The following CTNNA3 variants were observed in gnomAD, a reference collection of about 807,000 sequenced individuals.
CTNNA3 encodes catenin alpha 3.
CTNNA3 carries 76 observed loss-of-function variants against 95.7 expected under a neutral mutation model. The ratio of observed to expected loss-of-function variants is 0.79; its 90% confidence interval spans 0.66 to 0.96. The LOEUF is 0.96. Among genes scored for constraint, CTNNA3 ranks in the 40% least tolerant of loss-of-function variants. The pLI is 0.00. For synonymous variants in CTNNA3, 431 were observed against 374.4 expected, an observed-to-expected ratio of 1.15 and a Z score of -1.74; for missense variants, 1,191 against 1,089.8, an observed-to-expected ratio of 1.09 and a Z score of -1.31.
chr10:66,324,060 G>T (rs1019949235), intron 12 of CTNNA3, among the ~76,000 whole-genome samples: 3 of 151,808 alleles, frequency 2.0e-5, no homozygotes, highest in Non-Finnish European at 4.4e-5. Flanking sequence ...ACTCACATTC[G>T]CTTGAATTCC....
Position 66,580,591 on chromosome 10 carries a change from A to G in CTNNA3, c.1374+41101T>C, listed in dbSNP as rs533943263. 2.6e-5 allele frequency among the ~76,000 whole-genome samples: 4 copies of G among 151,872 alleles called. 2 individuals carry two copies. The highest frequency in any genetic ancestry group is 9.6e-5 in the African/African-American group (4 of 41,506). On this transcript the variant is annotated intron_variant, in intron 10 of 17. Coordinates refer to ENST00000433211, the MANE Select transcript of CTNNA3 (RefSeq NM_013266.4). ...AATGTATTTTTTTATTCAGCTTGAGATCTTCCTGGTTCTTGATATGACAAG... is the reference window on the plus strand; with the variant it reads ...AATGTATTTTTTTATTCAGCTTGAGGTCTTCCTGGTTCTTGATATGACAAG...
At chr10:67,362,978 T>C (rs1843049129) in intron 5 of CTNNA3, among the ~76,000 whole-genome samples, 1 of 151,772 alleles carries the variant, frequency 6.6e-6, no homozygotes. Context: ...CAAGCTGACA[T>C]CCAAATCAAG....
chr10:67,108,849 T>C (rs1465149282), intron 7 of CTNNA3, among the ~76,000 whole-genome samples: 1 of 152,172 alleles, frequency 6.6e-6, no homozygotes, highest in Admixed American at 6.5e-5. Context: ...AGTATATATG[T>C]CAAATAAAAT....
chr10:66,417,788 A>C (rs977129402), intron 11 of CTNNA3, among the ~76,000 whole-genome samples: 1 of 152,010 alleles, frequency 6.6e-6, no homozygotes, highest in Non-Finnish European at 1.5e-5. Context: ...CATTGTGTCA[A>C]TGAAGAAATT....
chr10:67,250,123 G>A (rs79259439), intron 5 of CTNNA3, among the ~76,000 whole-genome samples: 7,008 of 152,118 alleles, frequency 0.046, 217 homozygotes, highest in South Asian at 0.091. Context: ...GCATGGGTTT[G>A]AGCTGCACAG....
chr10:67,114,763 T>C (rs1008651724), intron 7 of CTNNA3, among the ~76,000 whole-genome samples: 1 of 144,308 alleles, frequency 6.9e-6, no homozygotes, highest in Admixed American at 6.9e-5. Context: ...GGGGAAGGTG[T>C]CCTGGAGAGG....
intron 7 of CTNNA3, among the ~76,000 whole-genome samples, chr10:67,021,490 A>T (rs1030057062): frequency 6.6e-6 from 1 of 152,266 alleles, no homozygotes; most frequent in African/African-American, 2.4e-5. Flanking sequence ...TATTTGTGAC[A>T]GTAAAAACAT....
chr10:66,141,879 T>C (rs2083638239), intron 13 of CTNNA3, among the ~76,000 whole-genome samples: 1 of 152,180 alleles, frequency 6.6e-6, no homozygotes, highest in Non-Finnish European at 1.5e-5. Flanking sequence ...TGTTTCCTTA[T>C]AGAGAAGATG....
intron 15 of CTNNA3, among the ~76,000 whole-genome samples, chr10:65,998,196 G>A (rs1454863634): frequency 6.6e-6 from 1 of 152,160 alleles, no homozygotes; most frequent in Non-Finnish European, 1.5e-5. Flanking sequence ...TTTCCGGAGT[G>A]AGTGACCATT....
At chr10:65,959,156 G>A (rs2133233805) in intron 17 of CTNNA3, among the ~76,000 whole-genome samples, 1 of 152,320 alleles carries the variant, frequency 6.6e-6, no homozygotes, top group Middle Eastern at 3.4e-3. Flanking sequence ...TGTGCCAGCA[G>A]TGAGTGAGGC....
intron 15 of CTNNA3, among the ~76,000 whole-genome samples, chr10:65,991,044 C>A (rs1243630045): frequency 6.6e-6 from 1 of 152,034 alleles, no homozygotes; most frequent in East Asian, 1.9e-4. Context: ...CTGTTCTTCC[C>A]ACCTTTGTCG....
chr10:67,666,714 C>A (rs774604790), intron 1 of CTNNA3, among the ~76,000 whole-genome samples: 2 of 152,114 alleles, frequency 1.3e-5, no homozygotes, highest in Non-Finnish European at 2.9e-5. Context: ...TGGGACACAT[C>A]ATCTCAACTT....
At chr10:66,687,940 T>C (rs1160461000) in intron 9 of CTNNA3, among the ~76,000 whole-genome samples, 2 of 152,096 alleles carry the variant, frequency 1.3e-5, no homozygotes, top group African/African-American at 2.4e-5. Flanking sequence ...TACTTAATTG[T>C]GTTGAAGATT....
At chr10:67,615,788 A>G (rs1843636749) in intron 2 of CTNNA3, among the ~76,000 whole-genome samples, 1 of 147,796 alleles carries the variant, frequency 6.8e-6, no homozygotes. Flanking sequence ...TCAGCCTCCC[A>G]AGTAGCTGGC....
At chr10:67,686,440 A>T (rs1475292355) in intron 1 of CTNNA3, among the ~76,000 whole-genome samples, 1 of 152,176 alleles carries the variant, frequency 6.6e-6, no homozygotes, top group Non-Finnish European at 1.5e-5. Flanking sequence ...GCCATGCTTG[A>T]CCAGCTCCTC....
intron 11 of CTNNA3, among the ~76,000 whole-genome samples, chr10:66,474,974 G>A (rs1217686244): frequency 6.6e-6 from 1 of 151,946 alleles, no homozygotes. Context: ...TTAACCCCTT[G>A]TCACAAGTGC....
Position 66,889,838 on chromosome 10 carries a change from T to C in CTNNA3, c.1048-114314A>G, listed in dbSNP as rs367673409. Reference sequence around the variant, plus strand: ...CAGAGTCTTGCTCTGTCCCCAAGGCTGGAGTGCAGTGGTGCAATATTGGCT... The same window carrying C: ...CAGAGTCTTGCTCTGTCCCCAAGGCCGGAGTGCAGTGGTGCAATATTGGCT... On this transcript the variant is annotated intron_variant, in intron 7 of 17. Coordinates refer to ENST00000433211, the MANE Select transcript of CTNNA3 (RefSeq NM_013266.4). Among the ~76,000 whole-genome samples the C allele has an allele frequency of 4.9e-4, 74 of 150,560 alleles. No homozygotes were observed. The East Asian group carries it at 0.014, about 29-fold the overall frequency.
chr10:67,626,777 G>T (rs1317255938), intron 2 of CTNNA3, among the ~76,000 whole-genome samples: 2 of 146,978 alleles, frequency 1.4e-5, no homozygotes, highest in Non-Finnish European at 2.9e-5. Flanking sequence ...TGTATGTTGT[G>T]TCTACATGTA....
At chr10:67,143,939 T>C (rs995809724) in intron 7 of CTNNA3, among the ~76,000 whole-genome samples, 19 of 152,218 alleles carry the variant, frequency 1.2e-4, no homozygotes, top group African/African-American at 3.9e-4. Flanking sequence ...CAATTTACTT[T>C]GCCCAGATCT....
Sources: gnomAD v4.1 joint callset for allele counts (sites outside exome capture counted in the v4.1 genomes callset) on GRCh38, gnomAD v4.1.1 for gene constraint, MANE v1.5 for transcripts, NCBI Gene and HGNC (gene_info 2026-07-23, HGNC 2026-07-21) for gene names.